Variants in PHF13 observed in about 807,000 individuals in gnomAD.
PHF13 encodes the protein PHD finger protein 13.
PHF13 carries 1 observed loss-of-function variant against 25.8 expected under a neutral mutation model. The ratio of observed to expected loss-of-function variants is 0.04; its 90% CI spans 0.01 to 0.18. PHF13 has a LOEUF of 0.18. Ranked by LOEUF, PHF13 falls within the 10% of genes least tolerant of loss-of-function variation. The pLI, the probability that PHF13 is intolerant of heterozygous loss-of-function variation, is 1.00. For missense variants in PHF13, 306 were observed against 403.2 expected (o/e 0.76, Z 2.06); for synonymous variants, 195 against 162.4 (o/e 1.20, Z -1.53).
rs193216029 is a variant in PHF13 at position 6,618,593 on chromosome 1, T to C, written c.142-1210T>C. ...ATTTCTAGCAGGCAAACTGCCAGCA[T>C]TGGTTTATTTCCATCTGCTACATAG... On this transcript the variant is annotated intron_variant, in intron 2 of 3. Coordinates refer to ENST00000377648, the MANE Select transcript of PHF13 (RefSeq NM_153812.3). Among the ~76,000 whole-genome samples, 444 of 152,284 alleles carry C rather than the reference T, an allele frequency of 2.9e-3. 4 individuals carry two copies. Among genetic ancestry groups the C allele is most frequent in the Non-Finnish European group, 4.0e-3 (271 of 68,030 alleles).
intron 1 of PHF13, among the ~76,000 whole-genome samples, chr1:6,615,487 A>G (rs1325698297): frequency 6.6e-6 from 1 of 152,018 alleles, no homozygotes; most frequent in Non-Finnish European, 1.5e-5. Flanking sequence ...CTTTCTCGAA[A>G]GAAAACCCGC....
Position 6,620,311 on chromosome 1 carries a change from A to G in PHF13, c.650A>G (p.Asn217Ser), listed in dbSNP as rs747123823. The change falls in exon 3 of 4, where the codon AAT (asparagine) becomes AGT (serine). Residue 217 changes from asparagine to serine, a missense_variant. Transcript: ENST00000377648. The stretch of plus-strand genomic sequence containing the variant: ...TTCCGAGATGAGGACAGCACTGGCA[A>G]TGATGAGGACATCATGGTGGACTCA... Reference protein sequence around the residue: ...VVFRDEDSTGNDEDIMVDSDD... With the variant: ...VVFRDEDSTGSDEDIMVDSDD... 1 of 1,613,446 alleles carries G rather than the reference A, an allele frequency of 6.2e-7. No homozygotes were observed. Among genetic ancestry groups the G allele is most frequent in the South Asian group, 1.1e-5 (1 of 90,950 alleles).
chr1:6,615,811 A>G (rs556348894), intron 1 of PHF13, among the ~76,000 whole-genome samples: 7 of 152,276 alleles, frequency 4.6e-5, no homozygotes, highest in South Asian at 4.1e-4. Flanking sequence ...AACCTCCACT[A>G]TTCCGTTTAA....
At chr1:6,619,745 C>T (rs1037334107) in intron 2 of PHF13, 58 bp from the exon 3 acceptor site, 1 of 1,517,866 alleles carries the variant, frequency 6.6e-7, no homozygotes, top group Non-Finnish European at 8.9e-7. Context: ...TGGGGATGCT[C>T]TGCTCTGGGC....
intron 1 of PHF13, among the ~76,000 whole-genome samples, chr1:6,616,025 ATTT>A (rs5772244): frequency 2.2e-5 from 2 of 91,772 alleles, no homozygotes; most frequent in Non-Finnish European, 4.1e-5. Flanking sequence ...TGAGTGGTTG[ATTT>A]TTTTTTTTTT....
intron 2 of PHF13, among the ~76,000 whole-genome samples, chr1:6,618,283 C>T (rs1313574495): frequency 6.6e-6 from 1 of 152,110 alleles, no homozygotes; most frequent in African/African-American, 2.4e-5. Context: ...TACAGGCCCA[C>T]CACCACACCC....
chr1:6,621,439 C>T lies in PHF13; in HGVS notation c.705C>T (p.Cys235=). 6.2e-7 allele frequency: 1 copy of T among 1,614,120 alleles called. No homozygotes were observed. Among genetic ancestry groups the T allele is most frequent in the Non-Finnish European group, 8.5e-7 (1 of 1,180,040 alleles). ...ACGATTCCTGGGACCTCGTGACCTG[C>T]TTCTGCATGAAGCCATTTGCCGGCC... ...SDDDSWDLVT[C]FCMKPFAGRP... is the part of the protein sequence containing the mutation. Residue 235 remains cysteine (C), a synonymous_variant, in exon 4 of 4, where the codon TGC becomes TGT. Coordinates refer to ENST00000377648, the MANE Select transcript of PHF13 (RefSeq NM_153812.3). The surrounding 1 kb of genome is among the most constrained non-coding windows in gnomAD (Gnocchi z 4.8).
rs367841971 is a variant in PHF13 at position 6,614,046 on chromosome 1, C to T, written c.-21C>T. 3.0e-5 allele frequency: 47 copies of T among 1,590,098 alleles called. No individual in the cohort carries two copies. The African/African-American group carries it at 6.0e-4, about 20-fold the overall frequency. On this transcript the variant is annotated 5_prime_UTR_variant, in exon 1 of 4. Transcript: ENST00000377648. The stretch of plus-strand genomic sequence containing the variant: ...CCCAGCTCCTGCACTCTCGCAGCCG[C>T]CGCCGCCCCCCGCCCGGAACATGGA...
rs186813944 is a variant in PHF13, at chr1:6,617,364, G to A, written c.141+506G>A. Among the ~76,000 whole-genome samples, 7 of 151,608 alleles carry A rather than the reference G, an allele frequency of 4.6e-5. No individual in the cohort carries two copies. In the East Asian group the frequency reaches 1.4e-3, roughly 30 times the overall value. ...GCCTCCCAGAGTGCTGGGATTACAGGCGTGAGCTACCGCCCAGCCGATTTA... is the reference window on the plus strand; with the variant it reads ...GCCTCCCAGAGTGCTGGGATTACAGACGTGAGCTACCGCCCAGCCGATTTA... On this transcript the variant is annotated intron_variant, in intron 2 of 3. Transcript: ENST00000377648.
chr1:6,616,693 G>C, intron 1 of PHF13, 64 bp from the exon 2 acceptor site: 1 of 1,407,958 alleles, frequency 7.1e-7, no homozygotes, highest in Non-Finnish European at 1.0e-6. Context: ...ACTTCCTTTT[G>C]TTTCTGTGAT....
chr1:6,621,031 AG>A lies in PHF13; in HGVS notation c.677-379del, dbSNP rs1271523411. Among the ~76,000 whole-genome samples, 3 of 82,000 alleles carry A rather than the reference AG, an allele frequency of 3.7e-5. No homozygotes were observed. Among genetic ancestry groups the A allele is most frequent in the Non-Finnish European group, 5.7e-5 (2 of 35,058 alleles). The allele number at this position is 82,000 out of a possible 152,430, so 53.8% of individuals were successfully genotyped here. ...TGGGCGACAGCAAAACTCCGTCTCA[AG>A]AAAAAAAAAAAAAACAATAGTCGAG... On this transcript the variant is annotated intron_variant, in intron 3 of 3. Coordinates refer to ENST00000377648, the MANE Select transcript of PHF13 (RefSeq NM_153812.3). This position sits in a 1 kb window ranked among gnomAD's most constrained non-coding sequence, Gnocchi z 4.8.
chr1:6,619,963 C>G lies in PHF13; in HGVS notation c.302C>G (p.Ala101Gly). ...CTGCAGCCTACTCTCTTGCAGCGAG[C>G]CAAGCCCAGTAACTTCCTGCTGGAC... ...SHLQPTLLQRAKPSNFLLDRK... is the reference protein window; with the variant it reads ...SHLQPTLLQRGKPSNFLLDRK... The change falls in exon 3 of 4, where the codon GCC becomes GGC. Residue 101 changes from alanine (A) to glycine (G), a missense_variant. Physicochemically the swap from Ala to Gly is moderately conservative, Grantham distance 60. Coordinates refer to ENST00000377648, the MANE Select transcript of PHF13 (RefSeq NM_153812.3). The G allele has an allele frequency of 1.2e-6, 2 of 1,613,822 alleles. No individual in the cohort carries two copies. The highest frequency in any genetic ancestry group is 1.7e-6 in the Non-Finnish European group (2 of 1,179,986).
intron 1 of PHF13, 68 bp downstream of exon 1, chr1:6,614,173 C>T (rs1271903559): frequency 1.6e-5 from 24 of 1,504,822 alleles, no homozygotes; most frequent in African/African-American, 5.8e-5. Flanking sequence ...CCTCAGGCAG[C>T]CAGACCCCCG....
At chr1:6,619,704 T>A in intron 2 of PHF13, 99 bp from the exon 3 acceptor site, 1 of 1,230,668 alleles carries the variant, frequency 8.1e-7, no homozygotes, top group South Asian at 1.5e-5. Flanking sequence ...GTTGTGCAGA[T>A]GTCTCTGGAG....
intron 2 of PHF13, among the ~76,000 whole-genome samples, chr1:6,617,214 G>A (rs1641275245): frequency 6.6e-6 from 1 of 150,924 alleles, no homozygotes; most frequent in Non-Finnish European, 1.5e-5. Flanking sequence ...AACCTCCTCA[G>A]TAGTTGGGAT....
rs955174525 is a variant in PHF13, at chr1:6,620,391, G to A, written c.676+54G>A. 13 of 1,540,642 alleles carry A rather than the reference G, an allele frequency of 8.4e-6. No individual in the cohort carries two copies. The East Asian group carries it at 1.1e-4, about 14-fold the overall frequency. On this transcript the variant is annotated intron_variant, in intron 3 of 3. Transcript: ENST00000377648. ...TTGTTGGCTTGTGGTTAGAAGAGAG[G>A]TTATTTTATTAAGTGGTCATCTCTC...
rs1641211766 is a variant in PHF13 at position 6,614,036 on chromosome 1, C to T, written c.-31C>T. 1.6e-5 allele frequency: 26 copies of T among 1,576,336 alleles called. No homozygotes were observed. Among genetic ancestry groups the T allele is most frequent in the Non-Finnish European group, 2.2e-5 (25 of 1,161,152 alleles). ...GCTCCAGCATCCCAGCTCCTGCACT[C>T]TCGCAGCCGCCGCCGCCCCCCGCCC... On this transcript the variant is annotated 5_prime_UTR_variant, in exon 1 of 4. Coordinates refer to ENST00000377648, the MANE Select transcript of PHF13 (RefSeq NM_153812.3).
chr1:6,619,412 T>C (rs1641306371), intron 2 of PHF13, among the ~76,000 whole-genome samples: 1 of 151,974 alleles, frequency 6.6e-6, no homozygotes, highest in Non-Finnish European at 1.5e-5. Context: ...GTGCAGTGGC[T>C]CACTGCAACA....
At position 6,613,736 on chromosome 1, in the gene PHF13, C is replaced by A. The variant is rs1570219289; in HGVS notation, c.-331C>A. 4.6e-6 allele frequency: 1 copy of A among 215,862 alleles called. No individual in the cohort carries two copies. Among genetic ancestry groups the A allele is most frequent in the South Asian group, 4.8e-5 (1 of 20,778 alleles). The allele number at this position is 215,862 out of a possible 1,614,324, so 13.4% of individuals were successfully genotyped here. A position where few individuals can be genotyped will look rare whatever the true frequency, so the allele number is the denominator to read the frequency against. On this transcript the variant is annotated 5_prime_UTR_variant, in exon 1 of 4. Coordinates refer to ENST00000377648, the MANE Select transcript of PHF13 (RefSeq NM_153812.3). ...ACAGGCCTCCCGGCTCTCCCGCCCT[C>A]CCTCCCGAGACACGAGCCGAACTGG...
Sources: allele counts gnomAD v4.1 joint callset (sites outside exome capture counted in the v4.1 genomes callset), GRCh38; gene constraint gnomAD v4.1.1; non-coding constraint Gnocchi (gnomAD v3.1); transcripts MANE v1.5; gene names NCBI Gene and HGNC (gene_info 2026-07-23, HGNC 2026-07-21).